Variants in EFL1 observed in about 807,000 individuals in gnomAD.
The protein encoded by EFL1 is elongation factor-like GTPase 1.
EFL1 carries 76 observed loss-of-function variants against 126.7 expected under a neutral mutation model. The observed-to-expected ratio is 0.60, with a 90% CI of 0.50 to 0.73. The LOEUF is 0.73. Among genes scored for constraint, EFL1 ranks in the 30% least tolerant of loss-of-function variants. The pLI is 0.00. For synonymous variants in EFL1, 410 were observed against 448.4 expected (o/e 0.91, Z 1.08); for missense variants, 1,128 against 1,343.2 (o/e 0.84, Z 2.50).
At chr15:82,170,910 T>A (rs995288820) in intron 15 of EFL1, among the ~76,000 whole-genome samples, 3 of 152,100 alleles carry the variant, frequency 2.0e-5, no homozygotes, top group African/African-American at 7.2e-5. Flanking sequence ...ATGACTTAAA[T>A]AAATGGGGGA....
At chr15:82,185,135 G>T (rs1049259468) in intron 15 of EFL1, among the ~76,000 whole-genome samples, 2 of 150,944 alleles carry the variant, frequency 1.3e-5, no homozygotes, top group African/African-American at 2.4e-5. Context: ...CAACTCAGAA[G>T]ACATACAAAT....
At chr15:82,161,607 T>A (rs909994801) in intron 16 of EFL1, among the ~76,000 whole-genome samples, 1 of 152,076 alleles carries the variant, frequency 6.6e-6, no homozygotes, top group Non-Finnish European at 1.5e-5. Context: ...GGGAAGAAAA[T>A]AGCAATACTC....
chr15:82,203,430 G>A (rs867133547), intron 15 of EFL1, among the ~76,000 whole-genome samples: 5 of 152,134 alleles, frequency 3.3e-5, no homozygotes, highest in African/African-American at 7.2e-5. Flanking sequence ...GTGCAGTGGC[G>A]TGTGGCGCAA....
intron 19 of EFL1, among the ~76,000 whole-genome samples, chr15:82,136,012 A>G (rs989586417): frequency 6.6e-6 from 1 of 152,088 alleles, no homozygotes; most frequent in African/African-American, 2.4e-5. Flanking sequence ...TATTTGAGCC[A>G]CTATATTTTG....
intron 17 of EFL1, among the ~76,000 whole-genome samples, chr15:82,152,856 C>T (rs886157035): frequency 2.0e-5 from 3 of 152,154 alleles, no homozygotes; most frequent in Non-Finnish European, 4.4e-5. Context: ...CTCAGGATAG[C>T]TAGTCAAATC....
At chr15:82,245,933 T>A (rs1308125335) in intron 4 of EFL1, among the ~76,000 whole-genome samples, 11 of 136,742 alleles carry the variant, frequency 8.0e-5, no homozygotes, top group African/African-American at 3.0e-4. Context: ...ACTCTTGTCT[T>A]AAAAAAAAAA....
At chr15:82,156,667 T>C (rs1268082193) in intron 17 of EFL1, among the ~76,000 whole-genome samples, 1 of 151,798 alleles carries the variant, frequency 6.6e-6, no homozygotes, top group Non-Finnish European at 1.5e-5. Flanking sequence ...GGTATAAAGA[T>C]TGAGATAAAT....
intron 18 of EFL1, among the ~76,000 whole-genome samples, chr15:82,139,881 C>A (rs2141214459): frequency 6.6e-6 from 1 of 152,312 alleles, no homozygotes; most frequent in South Asian, 2.1e-4. Context: ...GTCTGCTACC[C>A]ACTTACCTTT....
intron 3 of EFL1, among the ~76,000 whole-genome samples, chr15:82,256,912 A>G (rs530414692): frequency 6.6e-6 from 1 of 152,226 alleles, no homozygotes; most frequent in South Asian, 2.1e-4. Context: ...AGGTTGGTAT[A>G]TAATTCTCCT....
chr15:82,160,573 C>G (rs1316198063), intron 16 of EFL1, among the ~76,000 whole-genome samples: 5 of 152,020 alleles, frequency 3.3e-5, no homozygotes, highest in African/African-American at 4.8e-5. Context: ...TTTTAAATAA[C>G]TTCTATTTTG....
intron 17 of EFL1, among the ~76,000 whole-genome samples, chr15:82,157,179 G>T (rs2073977146): frequency 6.6e-6 from 1 of 152,150 alleles, no homozygotes; most frequent in Non-Finnish European, 1.5e-5. Flanking sequence ...CATGATAACT[G>T]AATGATTCTT....
chr15:82,253,534 G>A (rs2075042427), intron 3 of EFL1, among the ~76,000 whole-genome samples: 1 of 152,084 alleles, frequency 6.6e-6, no homozygotes, highest in Non-Finnish European at 1.5e-5. Context: ...ACAACTTACG[G>A]ACAGTAGCAT....
chr15:82,251,643 T>A (rs1443185775), intron 4 of EFL1, among the ~76,000 whole-genome samples: 3 of 151,140 alleles, frequency 2.0e-5, no homozygotes, highest in Non-Finnish European at 3.0e-5. Context: ...AGAAGTGGTT[T>A]AAAAAAAAAT....
chr15:82,214,955 G>C (rs1311754787), intron 14 of EFL1, 100 bp from the exon 15 acceptor site: 9 of 1,201,314 alleles, frequency 7.5e-6, no homozygotes, highest in Non-Finnish European at 9.0e-6. Context: ...ATATGGTATA[G>C]CAACATTTCA....
intron 12 of EFL1, among the ~76,000 whole-genome samples, chr15:82,222,335 A>C (rs1260061156): frequency 1.3e-5 from 2 of 152,256 alleles, no homozygotes; most frequent in Non-Finnish European, 2.9e-5. Flanking sequence ...ATTCAAATCC[A>C]GATCTGTATG....
At chr15:82,180,869 C>T (rs2074245159) in intron 15 of EFL1, among the ~76,000 whole-genome samples, 1 of 151,974 alleles carries the variant, frequency 6.6e-6, no homozygotes, top group Non-Finnish European at 1.5e-5. Context: ...GCTGGCACTA[C>T]AAGCTCAGGC....
chr15:82,181,368 T>C (rs2074249686), intron 15 of EFL1, among the ~76,000 whole-genome samples: 2 of 152,202 alleles, frequency 1.3e-5, no homozygotes, highest in Non-Finnish European at 2.9e-5. Context: ...ATACTTGACA[T>C]GGGATGGACA....
In EFL1 at chr15:82,130,366, T is replaced by C; in HGVS notation, c.*7A>G. On this transcript the variant is annotated 3_prime_UTR_variant, in exon 20 of 20. Coordinates refer to ENST00000268206, the MANE Select transcript of EFL1 (RefSeq NM_024580.6). ...TATAAGGAAAAGAATCCACCAGTAG[T>C]AGGTAGCTACTTATTTTTGCTGAGT... 1 of 1,613,646 alleles carries C rather than the reference T, an allele frequency of 6.2e-7. No homozygotes were observed. Among genetic ancestry groups the C allele is most frequent in the Non-Finnish European group, 8.5e-7 (1 of 1,179,752 alleles).
intron 15 of EFL1, among the ~76,000 whole-genome samples, chr15:82,198,144 ACT>A (rs971551353): frequency 1.9e-4 from 29 of 151,838 alleles, no homozygotes; most frequent in South Asian, 1.0e-3. Flanking sequence ...TTGAAATTGC[ACT>A]CTGTTTCTCT....
Sources: allele counts gnomAD v4.1 joint callset (sites outside exome capture counted in the v4.1 genomes callset), GRCh38; gene constraint gnomAD v4.1.1; transcripts MANE v1.5; gene names NCBI Gene and HGNC (gene_info 2026-07-23, HGNC 2026-07-21).